CHCHD6: variants seen among roughly 807,000 people sequenced by gnomAD.
CHCHD6 encodes the protein coiled-coil-helix-coiled-coil-helix domain containing 6.
Under a neutral mutation model 32.3 loss-of-function variants are expected in CHCHD6, and 28 were observed. That is an observed-to-expected ratio of 0.87 (90% CI 0.64 to 1.19). The LOEUF (loss-of-function observed/expected upper bound fraction) is 1.19, where lower values mean the gene tolerates loss of function less well. CHCHD6 is among the 50% of genes most tolerant of loss of function. The pLI, the probability that CHCHD6 is intolerant of heterozygous loss-of-function variation, is 0.00. For synonymous variants in CHCHD6, 122 were observed against 117.5 expected, an observed-to-expected ratio of 1.04 and a Z score of -0.25; for missense variants, 333 against 307.0, an observed-to-expected ratio of 1.08 and a Z score of -0.63.
intron 4 of CHCHD6, chr3:126,780,461 C>T (rs1018651179): frequency 3.2e-5 from 10 of 314,106 alleles, no homozygotes; most frequent in Admixed American, 2.2e-4. Flanking sequence ...CTTCTGTGTT[C>T]GTCCAGAGGT....
intron 4 of CHCHD6, among the ~76,000 whole-genome samples, chr3:126,794,440 G>C (rs1938695623): frequency 6.7e-6 from 1 of 148,196 alleles, no homozygotes; most frequent in Non-Finnish European, 1.5e-5. Context: ...ATACATATAT[G>C]TTTATATATA....
chr3:126,733,983 C>T (rs1183329553), intron 4 of CHCHD6, among the ~76,000 whole-genome samples: 1 of 152,126 alleles, frequency 6.6e-6, no homozygotes, highest in Non-Finnish European at 1.5e-5. Context: ...GGCAGGCTGT[C>T]CCCATGGTTA....
intron 4 of CHCHD6, among the ~76,000 whole-genome samples, chr3:126,820,616 A>G (rs1257748921): frequency 1.3e-5 from 2 of 152,184 alleles, no homozygotes; most frequent in African/African-American, 4.8e-5. Flanking sequence ...TAATGCTGCT[A>G]TGAATATTTG....
At chr3:126,764,270 A>T (rs1314548912) in intron 4 of CHCHD6, among the ~76,000 whole-genome samples, 1 of 150,460 alleles carries the variant, frequency 6.6e-6, no homozygotes, top group Non-Finnish European at 1.5e-5. Context: ...AGGCACCTTC[A>T]ACCAAATCAC....
At chr3:126,959,789 G>A (rs982837117) in intron 7 of CHCHD6, among the ~76,000 whole-genome samples, 2 of 152,228 alleles carry the variant, frequency 1.3e-5, no homozygotes, top group Non-Finnish European at 2.9e-5. Flanking sequence ...GCAGGCTCCT[G>A]CTGAGCTGTG....
intron 4 of CHCHD6, among the ~76,000 whole-genome samples, chr3:126,753,459 G>A (rs1332079190): frequency 6.6e-6 from 1 of 152,200 alleles, no homozygotes. Context: ...CAGCCCGCCT[G>A]CATGCCTGCC....
intron 3 of CHCHD6, among the ~76,000 whole-genome samples, chr3:126,732,290 T>G (rs548972408): frequency 3.5e-4 from 54 of 152,222 alleles, no homozygotes; most frequent in Non-Finnish European, 6.6e-4. Context: ...CTCCACCCAG[T>G]CCCCTCACCC....
At chr3:126,753,696 G>C (rs778662557) in intron 4 of CHCHD6, among the ~76,000 whole-genome samples, 2 of 152,130 alleles carry the variant, frequency 1.3e-5, no homozygotes, top group Non-Finnish European at 2.9e-5. Context: ...CCAGAGTTTC[G>C]TGGGCTGCCT....
chr3:126,938,275 G>A (rs540517932), intron 6 of CHCHD6, among the ~76,000 whole-genome samples: 2 of 152,322 alleles, frequency 1.3e-5, no homozygotes, highest in African/African-American at 4.8e-5. Flanking sequence ...AGCGACAGCT[G>A]GAGGGAACAA....
intron 4 of CHCHD6, among the ~76,000 whole-genome samples, chr3:126,826,598 C>A (rs368324221): frequency 6.6e-6 from 1 of 151,960 alleles, no homozygotes; most frequent in African/African-American, 2.4e-5. Context: ...CTTGTAATGG[C>A]GGCAGAAGGA....
At chr3:126,717,296 A>T (rs1409484120) in intron 1 of CHCHD6, among the ~76,000 whole-genome samples, 3 of 152,162 alleles carry the variant, frequency 2.0e-5, no homozygotes, top group Non-Finnish European at 4.4e-5. Context: ...TTACAATCAC[A>T]ACTCTCATCC....
intron 4 of CHCHD6, among the ~76,000 whole-genome samples, chr3:126,789,618 T>G (rs1203823495): frequency 6.6e-6 from 1 of 152,244 alleles, no homozygotes; most frequent in Non-Finnish European, 1.5e-5. Flanking sequence ...GTTTAAAGTC[T>G]GTTTGATTAT....
chr3:126,721,848 T>C (rs1935311261), intron 1 of CHCHD6, among the ~76,000 whole-genome samples: 1 of 152,208 alleles, frequency 6.6e-6, no homozygotes, highest in African/African-American at 2.4e-5. Context: ...CGCCACACAG[T>C]GTGGCCTTTT....
intron 5 of CHCHD6, among the ~76,000 whole-genome samples, chr3:126,860,953 G>C (rs1484944218): frequency 6.6e-6 from 1 of 152,140 alleles, no homozygotes. Flanking sequence ...TGTAAGCCTT[G>C]GGTTTTTAGA....
intron 1 of CHCHD6, among the ~76,000 whole-genome samples, chr3:126,705,236 A>G (rs1559794505): frequency 3.9e-5 from 6 of 152,190 alleles, no homozygotes. Context: ...TATTATTTTC[A>G]TAGCACTCAT....
At chr3:126,763,670 A>G (rs1480242640) in intron 4 of CHCHD6, among the ~76,000 whole-genome samples, 3 of 152,166 alleles carry the variant, frequency 2.0e-5, no homozygotes, top group African/African-American at 7.2e-5. Context: ...TTCTTCAGAT[A>G]CTTTCTTTGT....
intron 5 of CHCHD6, among the ~76,000 whole-genome samples, chr3:126,899,783 A>G (rs956973577): frequency 2.0e-5 from 3 of 152,226 alleles, no homozygotes; most frequent in Non-Finnish European, 4.4e-5. Flanking sequence ...TGCAGCCGAG[A>G]GGAAAACCAT....
chr3:126,857,467 A>G (rs1941699639), intron 5 of CHCHD6, among the ~76,000 whole-genome samples: 1 of 151,998 alleles, frequency 6.6e-6, no homozygotes, highest in African/African-American at 2.4e-5. Flanking sequence ...CCTTTCCCCC[A>G]TTGTACTCCC....
At chr3:126,851,480 G>T (rs1356061886) in intron 4 of CHCHD6, among the ~76,000 whole-genome samples, 1 of 152,230 alleles carries the variant, frequency 6.6e-6, no homozygotes, top group Non-Finnish European at 1.5e-5. Flanking sequence ...GTGTCATCAG[G>T]AGCTTAGCGG....
Sources: gnomAD v4.1 joint callset for allele counts (sites outside exome capture counted in the v4.1 genomes callset) on GRCh38, gnomAD v4.1.1 for gene constraint, MANE v1.5 for transcripts, NCBI Gene and HGNC (gene_info 2026-07-23, HGNC 2026-07-21) for gene names.